Variants in DIAPH2 observed in about 807,000 individuals in gnomAD.
The protein encoded by DIAPH2 is diaphanous related formin 2, also known as protein diaphanous homolog 2.
DIAPH2 carries 35 observed loss-of-function variants against 92.7 expected under a neutral mutation model. The observed-to-expected ratio is 0.38, with a 90% CI of 0.29 to 0.50. The LOEUF is 0.50. Ranked by LOEUF, DIAPH2 falls within the 20% of genes least tolerant of loss-of-function variation. The pLI, the probability that DIAPH2 is intolerant of heterozygous loss-of-function variation, is 0.94. For synonymous variants in DIAPH2, 301 were observed against 280.4 expected, an observed-to-expected ratio of 1.07 and a Z score of -0.73; for missense variants, 701 against 819.5, an observed-to-expected ratio of 0.86 and a Z score of 1.77.
At chrX:97,162,246 G>A (rs781234410) in intron 22 of DIAPH2, among the ~76,000 whole-genome samples, 1 of 110,888 alleles carries the variant, frequency 9.0e-6, no homozygotes, top group South Asian at 3.9e-4. Context: ...CAAAGACTTC[G>A]AAGCCAGACT....
At chrX:96,738,828 A>C in intron 3 of DIAPH2, 66 bp downstream of exon 3, 4 of 926,110 alleles carry the variant, frequency 4.3e-6, no homozygotes, top group Non-Finnish European at 6.0e-6. Context: ...ACTGAGTTTT[A>C]AGGAGGTGTG....
intron 26 of DIAPH2, among the ~76,000 whole-genome samples, chrX:97,473,007 C>T (rs1405704006): frequency 8.9e-6 from 1 of 111,918 alleles, no homozygotes; most frequent in East Asian, 2.8e-4. Context: ...CTAGTTCTTC[C>T]TGGTACAACT....
intron 17 of DIAPH2, among the ~76,000 whole-genome samples, chrX:97,027,169 T>C (rs2066341122): frequency 8.9e-6 from 1 of 112,321 alleles, no homozygotes; most frequent in Non-Finnish European, 1.9e-5. Flanking sequence ...GATACAAATA[T>C]TTTTATAAAT....
chrX:97,312,345 CTTTTTTTTTT>C (rs56309139), intron 23 of DIAPH2, among the ~76,000 whole-genome samples: 3 of 54,953 alleles, frequency 5.5e-5, no homozygotes, highest in South Asian at 1.4e-3. Flanking sequence ...CAATAGAATC[CTTTTTTTTTT>C]TTTTTTTTTT....
intron 26 of DIAPH2, among the ~76,000 whole-genome samples, chrX:97,518,496 G>A (rs899896170): frequency 3.6e-5 from 4 of 109,808 alleles, no homozygotes; most frequent in African/African-American, 1.3e-4. Context: ...ATATATGTAT[G>A]TATGTGTGTG....
At chrX:97,381,587 C>A (rs1468745893) in intron 24 of DIAPH2, among the ~76,000 whole-genome samples, 1 of 111,007 alleles carries the variant, frequency 9.0e-6, no homozygotes, top group South Asian at 3.8e-4. Context: ...AACTGAGAAG[C>A]CTGTATTTTA....
chrX:97,185,425 A>ATATATATATG lies in DIAPH2; in HGVS notation c.2719+43633_2719+43642dup, dbSNP rs1569323220. Among the ~76,000 whole-genome samples the ATATATATATG allele has an allele frequency of 9.0e-3, 295 of 32,653 alleles. 31 individuals are homozygous for ATATATATATG. The highest frequency in any genetic ancestry group is 0.041 in the Middle Eastern group (2 of 49). The allele number at this position is 32,653 out of a possible 115,157, so 28.4% of individuals were successfully genotyped here. ...TATATATATATGTATATATATATGTATATATATATGTGTATATATATATGT... is the reference window on the plus strand; with the variant it reads ...TATATATATATGTATATATATATGTATATATATATGTATATATATGTGTATATATATATGT... On this transcript the variant is annotated intron_variant, in intron 22 of 26. Coordinates refer to ENST00000324765, the MANE Select transcript of DIAPH2 (RefSeq NM_006729.5).
chrX:96,990,263 T>G (rs2066060313), intron 17 of DIAPH2, among the ~76,000 whole-genome samples: 1 of 112,437 alleles, frequency 8.9e-6, no homozygotes, highest in Admixed American at 9.4e-5. Flanking sequence ...GGCATAGTAC[T>G]AAAGATTGAG....
At chrX:96,962,408 TATATATATACAC>T (rs1569436628) in intron 16 of DIAPH2, among the ~76,000 whole-genome samples, 26 of 53,221 alleles carry the variant, frequency 4.9e-4, no homozygotes, top group South Asian at 1.0e-3. Context: ...TATATACACA[TATATATATACAC>T]ATATATATAC....
chrX:97,329,528 A>C (rs12559933), intron 23 of DIAPH2, among the ~76,000 whole-genome samples: 1 of 110,257 alleles, frequency 9.1e-6, no homozygotes, highest in African/African-American at 3.3e-5. Context: ...TAAACTGGAC[A>C]CTGGTGTATA....
chrX:97,170,726 G>A (rs2067446169), intron 22 of DIAPH2, among the ~76,000 whole-genome samples: 1 of 111,161 alleles, frequency 9.0e-6, no homozygotes, highest in African/African-American at 3.3e-5. Context: ...TATTTTATAT[G>A]GTCCAAAAAA....
chrX:97,016,332 G>T (rs2147867865), intron 17 of DIAPH2, among the ~76,000 whole-genome samples: 1 of 112,220 alleles, frequency 8.9e-6, no homozygotes, highest in African/African-American at 3.2e-5. Context: ...GGCAGAAAGT[G>T]AAAACATATT....
intron 23 of DIAPH2, among the ~76,000 whole-genome samples, chrX:97,297,820 G>C: frequency 9.1e-6 from 1 of 110,079 alleles, no homozygotes; most frequent in Admixed American, 9.9e-5. Context: ...TGAAAACTAA[G>C]ACCTATTCCT....
At chrX:97,551,496 G>A (rs1191650853) in intron 26 of DIAPH2, among the ~76,000 whole-genome samples, 1 of 108,931 alleles carries the variant, frequency 9.2e-6, no homozygotes, top group Non-Finnish European at 1.9e-5. Flanking sequence ...AGATTGAGTT[G>A]GGAGAATTGC....
chrX:96,958,282 A>G, intron 16 of DIAPH2, 134 bp downstream of exon 16: 2 of 722,477 alleles, frequency 2.8e-6, no homozygotes, highest in East Asian at 3.9e-5. Context: ...TTTTATGTCC[A>G]TCTTTCAATT....
chrX:97,380,428 G>C (rs543956249), intron 24 of DIAPH2, among the ~76,000 whole-genome samples: 1 of 111,605 alleles, frequency 9.0e-6, no homozygotes, highest in Non-Finnish European at 1.9e-5. Context: ...AGTGAGGCTT[G>C]ACAAGTACAA....
At chrX:97,192,829 A>C (rs140412236) in intron 22 of DIAPH2, among the ~76,000 whole-genome samples, 4,697 of 109,470 alleles carry the variant, frequency 0.043, 274 homozygotes, top group African/African-American at 0.15. Flanking sequence ...CTTATTTCAT[A>C]TTTGAGAAAA....
chrX:97,094,714 G>A, intron 19 of DIAPH2, among the ~76,000 whole-genome samples: 1 of 112,267 alleles, frequency 8.9e-6, no homozygotes, highest in African/African-American at 3.2e-5. Flanking sequence ...TCAGTCATAT[G>A]TTGATTGTGT....
chrX:96,704,409 C>T (rs1219666528), intron 1 of DIAPH2, among the ~76,000 whole-genome samples: 3 of 111,786 alleles, frequency 2.7e-5, no homozygotes, highest in Non-Finnish European at 5.6e-5. Flanking sequence ...CAAAATATTG[C>T]CTGGCCTTTT....
Sources: allele counts gnomAD v4.1 joint callset (sites outside exome capture counted in the v4.1 genomes callset), GRCh38; gene constraint gnomAD v4.1.1; transcripts MANE v1.5; gene names NCBI Gene and HGNC (gene_info 2026-07-23, HGNC 2026-07-21).